GTF2F2: variants seen among roughly 807,000 people sequenced by gnomAD.
The protein encoded by GTF2F2 is ATP-dependent helicase GTF2F2.
In GTF2F2, 23 loss-of-function variants were observed where a neutral mutation model predicts 42.2. The observed-to-expected ratio is 0.55, with a 90% CI of 0.39 to 0.77. The LOEUF (loss-of-function observed/expected upper bound fraction) is 0.77. GTF2F2 is among the 30% of genes least tolerant of loss of function. The pLI, the probability that GTF2F2 is intolerant of heterozygous loss-of-function variation, is 0.00. For missense variants in GTF2F2, 261 were observed against 287.2 expected (o/e 0.91, Z 0.66); for synonymous variants, 105 against 100.8 (o/e 1.04, Z -0.25).
chr13:45,143,430 C>T (rs1279129730), intron 2 of GTF2F2, among the ~76,000 whole-genome samples: 4 of 152,206 alleles, frequency 2.6e-5, no homozygotes, highest in Admixed American at 2.6e-4. Flanking sequence ...AAATTGTTTA[C>T]TCTGTTTCCT....
intron 5 of GTF2F2, among the ~76,000 whole-genome samples, chr13:45,227,279 A>G (rs1173816272): frequency 6.6e-6 from 1 of 152,218 alleles, no homozygotes; most frequent in African/African-American, 2.4e-5. Flanking sequence ...ATTGAGTTGT[A>G]TATAGATATA....
intron 7 of GTF2F2, among the ~76,000 whole-genome samples, chr13:45,270,596 G>C (rs1190759001): frequency 6.6e-6 from 1 of 151,990 alleles, no homozygotes; most frequent in African/African-American, 2.4e-5. Context: ...CCTCTCAAAG[G>C]CCCAATTCTT....
chr13:45,220,198 T>C (rs1237944673), intron 5 of GTF2F2, among the ~76,000 whole-genome samples: 1 of 152,238 alleles, frequency 6.6e-6, no homozygotes, highest in Non-Finnish European at 1.5e-5. Flanking sequence ...TTGATCACAA[T>C]GACTCATTCT....
chr13:45,255,090 C>A (rs924162582), intron 6 of GTF2F2, among the ~76,000 whole-genome samples: 1 of 143,456 alleles, frequency 7.0e-6, no homozygotes, highest in Admixed American at 7.4e-5. Flanking sequence ...CGCCTGAACC[C>A]AGGAGGCAGA....
intron 5 of GTF2F2, among the ~76,000 whole-genome samples, chr13:45,233,304 C>A (rs889746917): frequency 6.6e-6 from 1 of 152,238 alleles, no homozygotes; most frequent in East Asian, 1.9e-4. Context: ...CATAGAAGTC[C>A]ACTTCCGTTT....
chr13:45,268,008 G>A (rs1278812711), intron 7 of GTF2F2, among the ~76,000 whole-genome samples: 1 of 151,938 alleles, frequency 6.6e-6, no homozygotes, highest in Admixed American at 6.6e-5. Flanking sequence ...CTAGGCTTTT[G>A]TGCATTTACT....
Position 45,283,457 on chromosome 13 carries a change from A to T in GTF2F2, c.646A>T (p.Ile216Phe). The T allele has an allele frequency of 6.2e-7, 1 of 1,611,344 alleles. No homozygotes were observed. The highest frequency in any genetic ancestry group is 8.5e-7 in the Non-Finnish European group (1 of 1,178,628). Residue 216 changes from isoleucine to phenylalanine, a missense_variant, in exon 8 of 8, where the codon ATC becomes TTC. Coordinates refer to ENST00000340473, the MANE Select transcript of GTF2F2 (RefSeq NM_004128.3). ...TKQPVVYLKEILKEIGVQNVK... is the reference protein window; with the variant it reads ...TKQPVVYLKEFLKEIGVQNVK... The stretch of plus-strand genomic sequence containing the variant: ...TTTGTTTTAGGTGTACCTGAAGGAA[A>T]TCTTAAAAGAAATTGGTGTTCAGAA...
intron 5 of GTF2F2, among the ~76,000 whole-genome samples, chr13:45,209,785 G>A (rs1227991536): frequency 4.6e-5 from 7 of 152,092 alleles, no homozygotes; most frequent in Admixed American, 3.9e-4. Flanking sequence ...CGCAAAACCC[G>A]CTCTACTAGC....
intron 7 of GTF2F2, among the ~76,000 whole-genome samples, chr13:45,283,133 G>A (rs1055448237): frequency 6.6e-6 from 1 of 152,090 alleles, no homozygotes; most frequent in South Asian, 2.1e-4. Flanking sequence ...GTGAGGACCA[G>A]TAATTTTTTC....
At chr13:45,128,283 T>C (rs543211188) in intron 1 of GTF2F2, among the ~76,000 whole-genome samples, 206 of 147,984 alleles carry the variant, frequency 1.4e-3, no homozygotes, top group African/African-American at 4.9e-3. Context: ...TTTTAAAAAA[T>C]TATTTTTGCG....
intron 4 of GTF2F2, among the ~76,000 whole-genome samples, chr13:45,205,791 T>TATAGCTGTGAGC (rs1391486475): frequency 6.6e-6 from 1 of 152,208 alleles, no homozygotes; most frequent in Admixed American, 6.5e-5. Context: ...GTGCTGGGAT[T>TATAGCTGTGAGC]ATAGCTGTGA....
chr13:45,123,402 CGA>C (rs1274718374), intron 1 of GTF2F2: 1 of 152,078 alleles, frequency 6.6e-6, no homozygotes, highest in Non-Finnish European at 1.5e-5. Flanking sequence ...ACGAGGTGGG[CGA>C]ATTGCTTGAG....
At chr13:45,224,654 G>C (rs1874254745) in intron 5 of GTF2F2, among the ~76,000 whole-genome samples, 1 of 152,200 alleles carries the variant, frequency 6.6e-6, no homozygotes, top group Non-Finnish European at 1.5e-5. Context: ...CTGAAACTCA[G>C]ATATATAATA....
At chr13:45,193,433 T>G (rs1566130073) in intron 4 of GTF2F2, 1 of 176,884 alleles carries the variant, frequency 5.7e-6, no homozygotes, top group Non-Finnish European at 1.2e-5. Flanking sequence ...TACCATTTAC[T>G]TAAATGAACG....
chr13:45,121,315 A>G (rs556694075), intron 1 of GTF2F2, among the ~76,000 whole-genome samples: 4 of 152,332 alleles, frequency 2.6e-5, no homozygotes, highest in East Asian at 1.9e-4. Flanking sequence ...GAAGACAGCA[A>G]TTTTGGTTAG....
Position 45,149,798 on chromosome 13 carries a change from T to C in GTF2F2, c.159+10T>C, listed in dbSNP as rs752034589. 8.1e-6 allele frequency: 12 copies of C among 1,488,434 alleles called. No homozygotes were observed. In the South Asian group the frequency reaches 1.5e-4, roughly 19 times the overall value. 92.2% of individuals were successfully genotyped at this position (1,488,434 alleles called of 1,614,324 possible). ...TCAAGGAAGGACTGAGGTAAGATTATTTATATGGAAATTTTAGTTAAAACT... is the reference window on the plus strand; with the variant it reads ...TCAAGGAAGGACTGAGGTAAGATTACTTATATGGAAATTTTAGTTAAAACT... On this transcript the variant is annotated intron_variant, in intron 3 of 7. Coordinates refer to ENST00000340473, the MANE Select transcript of GTF2F2 (RefSeq NM_004128.3).
At chr13:45,217,396 A>G (rs1873940208) in intron 5 of GTF2F2, among the ~76,000 whole-genome samples, 3 of 151,836 alleles carry the variant, frequency 2.0e-5, no homozygotes, top group East Asian at 1.9e-4. Context: ...CTCCAGCTAC[A>G]CTTTTTAAAA....
At chr13:45,213,368 G>A (rs920585442) in intron 5 of GTF2F2, among the ~76,000 whole-genome samples, 2 of 151,970 alleles carry the variant, frequency 1.3e-5, no homozygotes, top group Admixed American at 6.6e-5. Flanking sequence ...TATGAGCCAC[G>A]AGGCCCCAGC....
intron 4 of GTF2F2, among the ~76,000 whole-genome samples, chr13:45,167,201 T>C (rs1399124205): frequency 6.6e-6 from 1 of 150,812 alleles, no homozygotes; most frequent in African/African-American, 2.4e-5. Flanking sequence ...TAAAAAGCCC[T>C]ACAGACACAT....
Sources: gnomAD v4.1 joint callset for allele counts (sites outside exome capture counted in the v4.1 genomes callset) on GRCh38, gnomAD v4.1.1 for gene constraint, MANE v1.5 for transcripts, NCBI Gene and HGNC (gene_info 2026-07-23, HGNC 2026-07-21) for gene names.